FREM3: variants seen among roughly 807,000 people sequenced by gnomAD.
The protein encoded by FREM3 is FRAS1 related extracellular matrix 3.
In FREM3, 105 loss-of-function variants were observed where a neutral mutation model predicts 129.1. That is an observed-to-expected ratio of 0.81 (90% CI 0.69 to 0.96). The LOEUF (loss-of-function observed/expected upper bound fraction) is 0.96. FREM3 is among the 40% of genes least tolerant of loss of function. The pLI is 0.00. For synonymous variants in FREM3, 1,014 were observed against 1,044.9 expected (o/e 0.97, Z 0.57); for missense variants, 2,593 against 2,666.3 (o/e 0.97, Z 0.61).
intron 2 of FREM3, among the ~76,000 whole-genome samples, chr4:143,647,676 G>A (rs1169326620): frequency 1.3e-5 from 2 of 152,198 alleles, no homozygotes; most frequent in East Asian, 3.9e-4. Flanking sequence ...TGTTGGGCTT[G>A]TGGGTGCACT....
intron 2 of FREM3, among the ~76,000 whole-genome samples, chr4:143,650,719 T>C (rs1739495457): frequency 6.6e-6 from 1 of 152,218 alleles, no homozygotes; most frequent in Non-Finnish European, 1.5e-5. Flanking sequence ...CTTGAACTGC[T>C]GGCCTTAAGC....
chr4:143,697,536 A>G lies in FREM3; in HGVS notation c.3140T>C (p.Val1047Ala). Reference protein sequence around the residue: ...LILSKDSYQWVVGNSIIEKVQ... With the variant: ...LILSKDSYQWAVGNSIIEKVQ... ...TTTCTCTATTATGCTATTCCCCACTACCCATTGGTAAGAATCTTTGGAGAG... is the reference window on the plus strand; with the variant it reads ...TTTCTCTATTATGCTATTCCCCACTGCCCATTGGTAAGAATCTTTGGAGAG... The change falls in exon 1 of 8, where the codon GTA (valine) becomes GCA (alanine). Residue 1047 changes from valine to alanine, a missense_variant. This residue lies in a region of FREM3 where 2,276 missense variants were observed against 2,267.2 expected (regional missense o/e 1.00). Coordinates refer to ENST00000329798, the MANE Select transcript of FREM3 (RefSeq NM_001168235.2). 6.5e-7 allele frequency: 1 copy of G among 1,537,262 alleles called. No homozygotes were observed. The highest frequency in any genetic ancestry group is 8.7e-7 in the Non-Finnish European group (1 of 1,146,924).
At chr4:143,662,272 G>C (rs2149852719) in intron 2 of FREM3, among the ~76,000 whole-genome samples, 1 of 152,254 alleles carries the variant, frequency 6.6e-6, no homozygotes, top group East Asian at 1.9e-4. Context: ...GTGTCCCAGA[G>C]ATTCTGGTAT....
intron 2 of FREM3, among the ~76,000 whole-genome samples, chr4:143,666,268 A>C (rs1029647656): frequency 3.3e-5 from 5 of 152,132 alleles, no homozygotes; most frequent in Non-Finnish European, 7.4e-5. Context: ...ATTATATTAC[A>C]ACACAATTAT....
At position 143,695,902 on chromosome 4, in the gene FREM3, G is replaced by GACGGC; in HGVS notation, c.4769_4773dup (p.Pro1592AlafsTer4). 6.5e-7 allele frequency: 1 copy of GACGGC among 1,537,686 alleles called. No individual in the cohort carries two copies. Among genetic ancestry groups the GACGGC allele is most frequent in the Non-Finnish European group, 8.7e-7 (1 of 1,147,024 alleles). ...TCTTGCTTGGTGAAAGTGGTCACGG[G>GACGGC]ACGGCTACCATTGTACAAAATCTTG... On this transcript the variant is annotated frameshift_variant, in exon 1 of 8. Transcript: ENST00000329798. LOFTEE classifies it high-confidence loss of function.
At chr4:143,685,056 TC>T (rs1209687092) in intron 2 of FREM3, among the ~76,000 whole-genome samples, 12 of 152,010 alleles carry the variant, frequency 7.9e-5, no homozygotes, top group African/African-American at 2.7e-4. Flanking sequence ...AGAAGAGAAA[TC>T]CAAAAATTTA....
chr4:143,660,386 A>C (rs955280034), intron 2 of FREM3, among the ~76,000 whole-genome samples: 1 of 152,062 alleles, frequency 6.6e-6, no homozygotes, highest in East Asian at 1.9e-4. Flanking sequence ...CAAAGATCAG[A>C]TAGTTGTAGA....
intron 2 of FREM3, among the ~76,000 whole-genome samples, chr4:143,669,674 C>A (rs1739932568): frequency 6.6e-6 from 1 of 150,636 alleles, no homozygotes; most frequent in South Asian, 2.1e-4. Context: ...AAAAAAACCA[C>A]AAGTCACCTA....
At chr4:143,601,140 T>C (rs1738565516) in intron 6 of FREM3, among the ~76,000 whole-genome samples, 1 of 152,200 alleles carries the variant, frequency 6.6e-6, no homozygotes, top group African/African-American at 2.4e-5. Flanking sequence ...CTGAACAGTT[T>C]CCTGGGTTTT....
rs61729867 is a variant in FREM3, at chr4:143,696,194, G to T, written c.4482C>A (p.Asn1494Lys). Residue 1494 changes from asparagine to lysine, a missense_variant, in exon 1 of 8, where the codon AAC becomes AAA. Physicochemically the swap from Asn to Lys is moderately conservative, Grantham distance 94. Around this residue, in one of 2 missense-constraint regions of FREM3, gnomAD observed 2,276 missense variants for 2,267.2 expected, o/e 1.00. Transcript: ENST00000329798. ...ASFTQLQLASNKISYVHTSND... is the reference protein window; with the variant it reads ...ASFTQLQLASKKISYVHTSND... ...TTGAAGTATGGACATAGGATATTTT[G>T]TTGCTAGCCAATTGAAGTTGAGTGA... 1 of 1,537,802 alleles carries T rather than the reference G, an allele frequency of 6.5e-7. No homozygotes were observed. The highest frequency in any genetic ancestry group is 8.7e-7 in the Non-Finnish European group (1 of 1,147,058).
intron 2 of FREM3, among the ~76,000 whole-genome samples, chr4:143,671,603 T>G (rs924825447): frequency 6.6e-6 from 1 of 152,230 alleles, no homozygotes; most frequent in African/African-American, 2.4e-5. Flanking sequence ...ATTCTCATTT[T>G]ATTTGTGCAT....
chr4:143,661,328 C>T (rs939959568), intron 2 of FREM3, among the ~76,000 whole-genome samples: 3 of 152,270 alleles, frequency 2.0e-5, no homozygotes, highest in African/African-American at 7.2e-5. Flanking sequence ...AAGGCCTTTT[C>T]TGCATCTATT....
chr4:143,667,017 C>A (rs1739875167), intron 2 of FREM3, among the ~76,000 whole-genome samples: 2 of 151,728 alleles, frequency 1.3e-5, no homozygotes, highest in South Asian at 4.2e-4. Flanking sequence ...AAATTATTAC[C>A]AAAATTTAAA....
intron 2 of FREM3, among the ~76,000 whole-genome samples, chr4:143,673,455 T>G (rs1251523449): frequency 6.6e-6 from 1 of 152,194 alleles, no homozygotes; most frequent in Non-Finnish European, 1.5e-5. Context: ...CTCTGGAAGT[T>G]TCGTCTCAGA....
At chr4:143,649,996 A>C (rs1420315779) in intron 2 of FREM3, among the ~76,000 whole-genome samples, 1 of 152,232 alleles carries the variant, frequency 6.6e-6, no homozygotes, top group African/African-American at 2.4e-5. Flanking sequence ...CATTCTATAA[A>C]TATTAGTTAT....
At chr4:143,644,884 A>T (rs1442820192) in intron 2 of FREM3, among the ~76,000 whole-genome samples, 1 of 152,196 alleles carries the variant, frequency 6.6e-6, no homozygotes, top group Admixed American at 6.5e-5. Flanking sequence ...AAGCCCAGGA[A>T]GAAGTTATAG....
intron 2 of FREM3, among the ~76,000 whole-genome samples, chr4:143,632,547 A>G (rs1014550458): frequency 6.6e-6 from 1 of 152,154 alleles, no homozygotes; most frequent in Non-Finnish European, 1.5e-5. Context: ...ATCAATCAGT[A>G]CCTATCAATC....
chr4:143,668,550 G>A (rs1208030642), intron 2 of FREM3, among the ~76,000 whole-genome samples: 1 of 152,170 alleles, frequency 6.6e-6, no homozygotes, highest in African/African-American at 2.4e-5. Context: ...GGCTTGTTTG[G>A]CTTCAATTCA....
chr4:143,661,832 G>C (rs13142262), intron 2 of FREM3, among the ~76,000 whole-genome samples: 82,770 of 151,884 alleles, frequency 0.54, 23,524 homozygotes, highest in East Asian at 0.71. Flanking sequence ...GTGTATGTGT[G>C]AAGGAATTTA....
Sources: allele counts gnomAD v4.1 joint callset (sites outside exome capture counted in the v4.1 genomes callset), GRCh38; gene constraint gnomAD v4.1.1; regional missense constraint gnomAD v4.1.1; transcripts MANE v1.5; gene names NCBI Gene and HGNC (gene_info 2026-07-23, HGNC 2026-07-21).